The following RNF130 variants were observed in gnomAD, a reference collection of about 807,000 sequenced individuals.
The protein encoded by RNF130 is ring finger protein 130.
RNF130 carries 21 observed loss-of-function variants against 44.6 expected under a neutral mutation model. The observed-to-expected ratio is 0.47, with a 90% CI of 0.33 to 0.68. The LOEUF is 0.68. Among genes scored for constraint, RNF130 ranks in the 30% least tolerant of loss-of-function variants. RNF130 has a pLI of 0.02. For missense variants in RNF130, 479 were observed against 560.6 expected (o/e 0.85, Z 1.47); for synonymous variants, 214 against 210.4 (o/e 1.02, Z -0.15).
intron 3 of RNF130, among the ~76,000 whole-genome samples, chr5:179,991,116 T>A (rs442181): frequency 0.13 from 19,229 of 152,142 alleles, 1,378 homozygotes; most frequent in East Asian, 0.27. Context: ...GAAAATAGCA[T>A]CCCATTCTCT....
intron 3 of RNF130, among the ~76,000 whole-genome samples, chr5:179,986,300 C>T (rs1037131250): frequency 2.6e-5 from 4 of 152,206 alleles, no homozygotes; most frequent in African/African-American, 9.7e-5. Context: ...ATGGCAGCAC[C>T]TGCAGCTGAA....
chr5:180,012,722 C>G (rs780837977), intron 3 of RNF130, among the ~76,000 whole-genome samples: 2 of 152,054 alleles, frequency 1.3e-5, no homozygotes, highest in East Asian at 1.9e-4. Context: ...CCCTAACCCC[C>G]CTCCAAGTTC....
chr5:180,031,581 C>G (rs1370732238), intron 2 of RNF130, among the ~76,000 whole-genome samples: 1 of 152,126 alleles, frequency 6.6e-6, no homozygotes, highest in African/African-American at 2.4e-5. Flanking sequence ...TCTCACTGTT[C>G]AAGGGCCAAC....
intron 1 of RNF130, among the ~76,000 whole-genome samples, chr5:180,043,344 CTTCA>C (rs1391067328): frequency 6.6e-6 from 1 of 151,622 alleles, no homozygotes; most frequent in Non-Finnish European, 1.5e-5. Flanking sequence ...GTAATAATTC[CTTCA>C]TTCTTCAATG....
intron 1 of RNF130, among the ~76,000 whole-genome samples, chr5:180,055,248 CAAAAAAAAA>C (rs1205914690): frequency 1.9e-4 from 4 of 20,990 alleles, no homozygotes; most frequent in East Asian, 2.5e-3. Context: ...GGTTCTGTCT[CAAAAAAAAA>C]AAAAAAAAAA....
At chr5:179,990,230 T>A (rs752793761) in intron 3 of RNF130, among the ~76,000 whole-genome samples, 1 of 152,114 alleles carries the variant, frequency 6.6e-6, no homozygotes, top group Non-Finnish European at 1.5e-5. Flanking sequence ...GGTAAAGAGT[T>A]TGAGTCACCT....
At chr5:180,021,519 C>T (rs1216676937) in intron 2 of RNF130, among the ~76,000 whole-genome samples, 2 of 152,096 alleles carry the variant, frequency 1.3e-5, no homozygotes, top group African/African-American at 4.8e-5. Context: ...AATTCTTCAA[C>T]ATAACAATTC....
chr5:179,980,981 G>A (rs1270508570), intron 3 of RNF130, among the ~76,000 whole-genome samples: 2 of 152,122 alleles, frequency 1.3e-5, no homozygotes, highest in African/African-American at 2.4e-5. Context: ...GCACAGAGGA[G>A]GCGACTAGGA....
At chr5:180,040,335 G>A in intron 2 of RNF130, 118 bp downstream of exon 2, 1 of 925,198 alleles carries the variant, frequency 1.1e-6, no homozygotes, top group South Asian at 1.8e-5. Flanking sequence ...CAAACAAATG[G>A]CAATACTAAT....
At chr5:179,963,720 C>T in intron 7 of RNF130, 156 bp from the exon 8 acceptor site, 2 of 637,672 alleles carry the variant, frequency 3.1e-6, no homozygotes, top group Admixed American at 2.3e-5. Flanking sequence ...CAGAGAGCTA[C>T]TAACTGGAGA....
intron 3 of RNF130, among the ~76,000 whole-genome samples, chr5:179,989,669 A>T (rs1763034368): frequency 6.6e-6 from 1 of 152,222 alleles, no homozygotes; most frequent in South Asian, 2.1e-4. Flanking sequence ...CATTTAAAAA[A>T]ATCTATTCAG....
chr5:179,962,945 C>T (rs534139361), intron 8 of RNF130, among the ~76,000 whole-genome samples: 81 of 152,348 alleles, frequency 5.3e-4, no homozygotes, highest in African/African-American at 1.9e-3. Flanking sequence ...AGCGCTTAGA[C>T]TTATTTTCTC....
intron 3 of RNF130, among the ~76,000 whole-genome samples, chr5:179,992,758 G>A (rs1034498821): frequency 6.6e-6 from 1 of 151,958 alleles, no homozygotes; most frequent in Non-Finnish European, 1.5e-5. Flanking sequence ...AAGTTCTAGG[G>A]TACATGTGCA....
chr5:180,026,336 A>G (rs1226357436), intron 2 of RNF130, among the ~76,000 whole-genome samples: 3 of 152,248 alleles, frequency 2.0e-5, no homozygotes, highest in Admixed American at 6.5e-5. Flanking sequence ...TGATTAAACA[A>G]TAACAGTAAA....
intron 3 of RNF130, among the ~76,000 whole-genome samples, chr5:179,983,816 G>C (rs1387174263): frequency 6.6e-6 from 1 of 152,144 alleles, no homozygotes; most frequent in African/African-American, 2.4e-5. Context: ...AATTTCCTCA[G>C]CAATAGTTAG....
At chr5:180,014,319 G>A (rs1429411185) in intron 2 of RNF130, among the ~76,000 whole-genome samples, 1 of 152,178 alleles carries the variant, frequency 6.6e-6, no homozygotes, top group Non-Finnish European at 1.5e-5. Context: ...TAAGGAAACA[G>A]AGAAACTTCT....
chr5:179,985,268 A>G (rs948560327), intron 3 of RNF130, among the ~76,000 whole-genome samples: 10 of 146,788 alleles, frequency 6.8e-5, no homozygotes, highest in African/African-American at 2.3e-4. Context: ...GTTTTCTCCC[A>G]TAGAAATCTT....
At chr5:179,945,591 TCA>T (rs1352255711) in intron 7 of RNF130, among the ~76,000 whole-genome samples, 1 of 152,136 alleles carries the variant, frequency 6.6e-6, no homozygotes, top group Non-Finnish European at 1.5e-5. Context: ...CAAGCAGGAC[TCA>T]CACCGCGGTG....
rs182240428 is a variant in RNF130, at chr5:179,982,458, T to C, written c.694-2258A>G. Reference sequence around the variant, plus strand: ...GTTGTCTGACTTTTATTTAAGAGACTGCCAAAGTGTTTTCCAAACTGGGCA... The same window carrying C: ...GTTGTCTGACTTTTATTTAAGAGACCGCCAAAGTGTTTTCCAAACTGGGCA... On this transcript the variant is annotated intron_variant, in intron 3 of 8. Coordinates refer to ENST00000521389, the MANE Select transcript of RNF130 (RefSeq NM_018434.6). Among the ~76,000 whole-genome samples the C allele has an allele frequency of 5.3e-5, 8 of 152,310 alleles. No homozygotes were observed. The East Asian group carries it at 1.5e-3, about 29-fold the overall frequency.
Sources: allele counts gnomAD v4.1 joint callset (sites outside exome capture counted in the v4.1 genomes callset), GRCh38; gene constraint gnomAD v4.1.1; transcripts MANE v1.5; gene names NCBI Gene and HGNC (gene_info 2026-07-23, HGNC 2026-07-21).